HFM1: variants seen among roughly 807,000 people sequenced by gnomAD.
HFM1 encodes probable ATP-dependent DNA helicase HFM1.
A neutral mutation model predicts 192.1 loss-of-function variants in HFM1; 169 were observed. The observed-to-expected ratio is 0.88, with a 90% CI of 0.78 to 1.00. HFM1 has a LOEUF of 1.00. Among genes scored for constraint, HFM1 ranks in the 50% least tolerant of loss-of-function variants. The probability of loss-of-function intolerance (pLI) is 0.00; values close to 1 mark genes in which losing one functional copy is unlikely to be tolerated. For synonymous variants in HFM1, 525 were observed against 537.8 expected, an observed-to-expected ratio of 0.98 and a Z score of 0.33; for missense variants, 1,661 against 1,668.0, an observed-to-expected ratio of 1.00 and a Z score of 0.07.
intron 6 of HFM1, among the ~76,000 whole-genome samples, chr1:91,384,710 C>T (rs1425773395): frequency 1.3e-5 from 2 of 151,666 alleles, no homozygotes; most frequent in Admixed American, 6.6e-5. Flanking sequence ...CACCAGTCTG[C>T]AATCACACCC....
chr1:91,320,356 G>T (rs1351642827), intron 23 of HFM1, among the ~76,000 whole-genome samples: 1 of 152,002 alleles, frequency 6.6e-6, no homozygotes, highest in East Asian at 1.9e-4. Flanking sequence ...TTTTGGCTAT[G>T]GTATATGCTT....
At chr1:91,302,435 A>T (rs148463956) in intron 30 of HFM1, among the ~76,000 whole-genome samples, 30 of 152,272 alleles carry the variant, frequency 2.0e-4, no homozygotes, top group African/African-American at 5.8e-4. Context: ...ATTATTGGGT[A>T]TATATCCAAA....
Position 91,273,786 on chromosome 1 carries a change from G to A in HFM1, c.3698C>T (p.Pro1233Leu). 6.3e-7 allele frequency: 1 copy of A among 1,592,384 alleles called. No individual in the cohort carries two copies. The highest frequency in any genetic ancestry group is 8.6e-7 in the Non-Finnish European group (1 of 1,162,418). ...AGGCTGATCCCACTGCTCCATTATA[G>A]GCAATTCAGATATGTTTAAATATTC... is the stretch of plus-strand genomic sequence containing the variant. ...RSEYLNISELPIMEQWDQPEI... is the reference protein window; with the variant it reads ...RSEYLNISELLIMEQWDQPEI... Residue 1233 changes from proline to leucine, a missense_variant, in exon 34 of 39, where the codon CCT becomes CTT. Physicochemically the swap from Pro to Leu is moderately conservative, Grantham distance 98. Coordinates refer to ENST00000370425, the MANE Select transcript of HFM1 (RefSeq NM_001017975.6).
intron 31 of HFM1, 48 bp downstream of exon 31, chr1:91,276,934 A>T: frequency 8.8e-7 from 1 of 1,130,960 alleles, no homozygotes; most frequent in Non-Finnish European, 1.3e-6. Context: ...TCCACCAAAG[A>T]CCTTTCAATT....
intron 13 of HFM1, among the ~76,000 whole-genome samples, chr1:91,366,711 T>C (rs1659361339): frequency 6.6e-6 from 1 of 152,126 alleles, no homozygotes; most frequent in Non-Finnish European, 1.5e-5. Context: ...AGAAGACAGG[T>C]GATTTCTGCA....
At chr1:91,395,851 C>CT (rs1452773500) in intron 3 of HFM1, among the ~76,000 whole-genome samples, 2,808 of 139,610 alleles carry the variant, frequency 0.02, 34 homozygotes, top group Non-Finnish European at 0.031. Context: ...CAGTTTATTA[C>CT]TTTTTTTTTT....
Position 91,396,293 on chromosome 1 carries a change from C to A in HFM1, c.184G>T (p.Gly62Cys). 1 of 1,435,762 alleles carries A rather than the reference C, an allele frequency of 7.0e-7. No individual in the cohort carries two copies. The highest frequency in any genetic ancestry group is 9.7e-7 in the Non-Finnish European group (1 of 1,027,332). The allele number at this position is 1,435,762 out of a possible 1,614,324, so 88.9% of individuals were successfully genotyped here. ...EEELESHKLLGQEKRPKMLTS... is the reference protein window; with the variant it reads ...EEELESHKLLCQEKRPKMLTS... ...TCAAAACAAATATGTGATAATTTAC[C>A]TAACAGTTTATGACTTTCTAATTCT... Residue 62 changes from glycine (G) to cysteine (C), a missense_variant and splice_region_variant, in exon 3 of 39, where the codon GGT (glycine) becomes TGT (cysteine). By Grantham distance (159) the Gly-to-Cys change is radical. Transcript: ENST00000370425.
chr1:91,267,992 T>A (rs1468612229), intron 34 of HFM1, 137 bp from the exon 35 acceptor site: 4 of 593,464 alleles, frequency 6.7e-6, no homozygotes, highest in Non-Finnish European at 5.8e-6. Flanking sequence ...AAAAATCTGT[T>A]ATGTGTATGT....
At chr1:91,296,639 A>G (rs1647630730) in intron 30 of HFM1, among the ~76,000 whole-genome samples, 1 of 152,202 alleles carries the variant, frequency 6.6e-6, no homozygotes, top group South Asian at 2.1e-4. Flanking sequence ...TTATAATATT[A>G]AACTTTTCAG....
chr1:91,391,884 T>TAA (rs1249098532), intron 4 of HFM1, among the ~76,000 whole-genome samples: 3 of 149,568 alleles, frequency 2.0e-5, no homozygotes, highest in Non-Finnish European at 4.4e-5. Flanking sequence ...ACAAAGAACT[T>TAA]AAACAAATTT....
In HFM1 at chr1:91,396,404, G is replaced by A. The variant is rs1478481729; in HGVS notation, c.73C>T (p.His25Tyr). The A allele has an allele frequency of 1.3e-6, 2 of 1,508,888 alleles. No homozygotes were observed. The allele number at this position is 1,508,888 out of a possible 1,614,324, so 93.5% of individuals were successfully genotyped here. The part of the protein sequence containing the change: ...FFEKPDEVEN[H>Y]PDNEKSLDWF... ...TCCAATGACTTTTCATTGTCTGGAT[G>A]GCTATATAAAATATAAAAATGTGAG... Residue 25 changes from histidine to tyrosine, a missense_variant and splice_region_variant, in exon 3 of 39, where the codon CAT (histidine) becomes TAT (tyrosine). By Grantham distance (83) the His-to-Tyr change is moderately conservative. Transcript: ENST00000370425.
At chr1:91,403,184 G>A (rs1035001599) in intron 1 of HFM1, among the ~76,000 whole-genome samples, 1 of 152,056 alleles carries the variant, frequency 6.6e-6, no homozygotes, top group East Asian at 1.9e-4. Flanking sequence ...AGAGCAAGCA[G>A]GGACTTTTTG....
chr1:91,278,158 A>C (rs960939352), intron 30 of HFM1, among the ~76,000 whole-genome samples: 2 of 151,538 alleles, frequency 1.3e-5, no homozygotes, highest in African/African-American at 4.8e-5. Context: ...TTAGTAAACA[A>C]GATGTAATAC....
At chr1:91,321,305 G>A (rs1052259647) in intron 23 of HFM1, among the ~76,000 whole-genome samples, 2 of 152,122 alleles carry the variant, frequency 1.3e-5, no homozygotes, top group Non-Finnish European at 2.9e-5. Flanking sequence ...TTAGCCAGGT[G>A]TGATAGTGTG....
Position 91,323,165 on chromosome 1 carries a change from T to C in HFM1, c.2462A>G (p.Asp821Gly). ...CTTTTCATTTATCCTTAACTGTATA[T>C]CTAGAAATTCCTTGCAGCCAGCTAT... ...TLIAGCKEFL[D>G]IQLRINEKKT... Residue 821 changes from aspartate to glycine, a missense_variant, in exon 22 of 39, where the codon GAT becomes GGT. By Grantham distance (94) the Asp-to-Gly change is moderately conservative. Transcript: ENST00000370425. 6.3e-7 allele frequency: 1 copy of C among 1,590,118 alleles called. No homozygotes were observed. Among genetic ancestry groups the C allele is most frequent in the Non-Finnish European group, 8.6e-7 (1 of 1,161,964 alleles).
At chr1:91,372,458 A>G (rs1660357629) in intron 13 of HFM1, among the ~76,000 whole-genome samples, 1 of 152,204 alleles carries the variant, frequency 6.6e-6, no homozygotes, top group South Asian at 2.1e-4. Flanking sequence ...GAACCTGGAA[A>G]CTATCATTCG....
chr1:91,366,724 T>G (rs765917695), intron 13 of HFM1, among the ~76,000 whole-genome samples: 4 of 152,216 alleles, frequency 2.6e-5, no homozygotes, highest in Non-Finnish European at 5.9e-5. Context: ...TTTCTGCATT[T>G]CCAACTGAGG....
At position 91,261,300 on chromosome 1, in the gene HFM1, C is replaced by T. The variant is rs759959365; in HGVS notation, c.4298G>A (p.Gly1433Asp). The change falls in exon 39 of 39, where the codon GGT becomes GAT. Residue 1433 changes from glycine to aspartate, a missense_variant. Transcript: ENST00000370425. ...AAGTATTTGTTTGTTTTAGAAAATA[C>T]CATCAAATATTCCCAATAAAGACTT... ...EMKSLLGIFD[G>D]IF 1.4e-4 allele frequency: 195 copies of T among 1,354,444 alleles called. No homozygotes were observed. Among genetic ancestry groups the T allele is most frequent in the South Asian group, 5.9e-4 (34 of 57,680 alleles). 83.9% of individuals were successfully genotyped at this position (1,354,444 alleles called of 1,614,324 possible).
intron 1 of HFM1, among the ~76,000 whole-genome samples, chr1:91,401,701 T>A (rs557916563): frequency 1.2e-4 from 18 of 152,304 alleles, no homozygotes; most frequent in Non-Finnish European, 2.4e-4. Flanking sequence ...TTTCATAGGT[T>A]TGAACTTTTT....
Sources: gnomAD v4.1 joint callset for allele counts (sites outside exome capture counted in the v4.1 genomes callset) on GRCh38, gnomAD v4.1.1 for gene constraint, MANE v1.5 for transcripts, NCBI Gene and HGNC (gene_info 2026-07-23, HGNC 2026-07-21) for gene names.